The following AFF2 variants were observed in gnomAD, a reference collection of about 807,000 sequenced individuals.
The protein encoded by AFF2 is ALF transcription elongation factor 2, also known as AF4/FMR2 family member 2.
AFF2 carries 14 observed loss-of-function variants against 76.9 expected under a neutral mutation model. That is an observed-to-expected ratio of 0.18 (90% confidence interval 0.12 to 0.28). AFF2 has a LOEUF of 0.28. Ranked by LOEUF, AFF2 falls within the 10% of genes least tolerant of loss-of-function variation. The probability of loss-of-function intolerance (pLI) is 1.00; values close to 1 mark genes in which losing one functional copy is unlikely to be tolerated. For synonymous variants in AFF2, 398 were observed against 366.7 expected (o/e 1.09, Z -0.98); for missense variants, 868 against 1,001.1 (o/e 0.87, Z 1.79).
chrX:148,647,468 C>T (rs529668091), intron 1 of AFF2, among the ~76,000 whole-genome samples: 1 of 111,834 alleles, frequency 8.9e-6, no homozygotes, highest in African/African-American at 3.2e-5. Context: ...CTCGCCCAGC[C>T]TCTTCCCCAC....
chrX:148,511,923 T>G (rs1162004492), intron 1 of AFF2, among the ~76,000 whole-genome samples: 8 of 112,381 alleles, frequency 7.1e-5, no homozygotes, highest in Admixed American at 5.7e-4. Context: ...ATTTTCAAAT[T>G]GCAAAATTAA....
At chrX:148,614,851 T>G (rs782172118) in intron 1 of AFF2, among the ~76,000 whole-genome samples, 2 of 104,722 alleles carry the variant, frequency 1.9e-5, no homozygotes, top group East Asian at 6.0e-4. Flanking sequence ...CCTTTCTTCC[T>G]CCCTTTCCTT....
At chrX:148,606,486 C>A (rs1037766998) in intron 1 of AFF2, among the ~76,000 whole-genome samples, 4 of 62,801 alleles carry the variant, frequency 6.4e-5, no homozygotes, top group Non-Finnish European at 1.2e-4. Context: ...GTCTAAAATT[C>A]TTTCAAAATA....
In AFF2 at chrX:148,580,743, G is replaced by GTA. The variant is rs1202713611; in HGVS notation, c.48-71255_48-71254insAT. On this transcript the variant is annotated intron_variant, in intron 1 of 20. Coordinates refer to ENST00000370460, the MANE Select transcript of AFF2 (RefSeq NM_002025.4). Reference sequence around the variant, plus strand: ...TATATATATATATGTGTGTGTGTGTGTGTATATATATATGTGTGTGTATTT... The same window carrying GTA: ...TATATATATATATGTGTGTGTGTGTGTATGTATATATATATGTGTGTGTATTT... 5.0e-3 allele frequency among the ~76,000 whole-genome samples: 373 copies of GTA among 74,642 alleles called. 1 individual carries two copies. Among genetic ancestry groups the GTA allele is most frequent in the African/African-American group, 0.02 (346 of 17,638 alleles). 64.8% of individuals were successfully genotyped at this position (74,642 alleles called of 115,157 possible).
chrX:148,804,121 G>A (rs1222720788), intron 3 of AFF2, among the ~76,000 whole-genome samples: 2 of 111,900 alleles, frequency 1.8e-5, no homozygotes, highest in African/African-American at 6.5e-5. Context: ...TGCTGATGGA[G>A]ACTTAACATG....
intron 3 of AFF2, among the ~76,000 whole-genome samples, chrX:148,807,993 A>G (rs1557271481): frequency 1.8e-5 from 2 of 112,560 alleles, no homozygotes; most frequent in Non-Finnish European, 3.8e-5. Flanking sequence ...CAATCAAACA[A>G]CTAAAACTAA....
chrX:148,835,862 A>T (rs1219247885), intron 4 of AFF2, among the ~76,000 whole-genome samples: 4 of 110,865 alleles, frequency 3.6e-5, no homozygotes, highest in Non-Finnish European at 7.5e-5. Flanking sequence ...ACTATTAATA[A>T]CTATAGTCAC....
rs1462001258 is a variant in AFF2 at position 148,998,126 on chromosome X, G to A, written c.*6794G>A. 4 of 111,805 alleles carry A rather than the reference G, an allele frequency of 3.6e-5. No individual in the cohort carries two copies. Among genetic ancestry groups the A allele is most frequent in the African/African-American group, 1.3e-4 (4 of 30,700 alleles). 9.2% of individuals were successfully genotyped at this position (111,805 alleles called of 1,213,427 possible). ...TGCTCAGAAATCCTCTTTGGGATCA[G>A]AAGATACCTAAAATTCTCCCCTTTT... On this transcript the variant is annotated 3_prime_UTR_variant, in exon 21 of 21. Coordinates refer to ENST00000370460, the MANE Select transcript of AFF2 (RefSeq NM_002025.4).
chrX:148,573,709 T>C (rs1218404681), intron 1 of AFF2, among the ~76,000 whole-genome samples: 1 of 111,557 alleles, frequency 9.0e-6, no homozygotes, highest in Non-Finnish European at 1.9e-5. Flanking sequence ...GCAACTTTAG[T>C]GTTTTTTGCA....
At position 148,685,413 on chromosome X, in the gene AFF2, C is replaced by A. The variant is rs1286704745; in HGVS notation, c.1041+22645C>A. Among the ~76,000 whole-genome samples the A allele has an allele frequency of 1.1e-4, 12 of 112,603 alleles. No homozygotes were observed. In the Admixed American group the frequency reaches 1.1e-3, roughly 11 times the overall value. On this transcript the variant is annotated intron_variant, in intron 3 of 20. Coordinates refer to ENST00000370460, the MANE Select transcript of AFF2 (RefSeq NM_002025.4). ...TATTGGAGAATGCCACAGGAATATA[C>A]AGGGCTATTGAAAGCATCTGCTTAG...
intron 1 of AFF2, among the ~76,000 whole-genome samples, chrX:148,504,927 G>GCC (rs1557232320): frequency 1.0e-5 from 1 of 97,961 alleles, no homozygotes; most frequent in East Asian, 3.4e-4. Context: ...GAAGGTGTGG[G>GCC]AGATGGGGGG....
chrX:148,596,473 G>A (rs1361991311), intron 1 of AFF2, among the ~76,000 whole-genome samples: 1 of 111,796 alleles, frequency 8.9e-6, no homozygotes, highest in Non-Finnish European at 1.9e-5. Flanking sequence ...ATCCAGTAGA[G>A]CTAACCCAAA....
chrX:148,667,916 AT>A (rs2054376848), intron 3 of AFF2, among the ~76,000 whole-genome samples: 1 of 112,125 alleles, frequency 8.9e-6, no homozygotes, highest in African/African-American at 3.2e-5. Context: ...GTCTTAACTC[AT>A]TTCAGCATTA....
At chrX:148,640,384 C>T (rs191772596) in intron 1 of AFF2, among the ~76,000 whole-genome samples, 2 of 111,060 alleles carry the variant, frequency 1.8e-5, no homozygotes, top group Admixed American at 1.9e-4. Flanking sequence ...CTTCTACCTT[C>T]TCCCTCCCTC....
chrX:148,520,764 T>G (rs1177452005), intron 1 of AFF2, among the ~76,000 whole-genome samples: 1 of 112,312 alleles, frequency 8.9e-6, no homozygotes, highest in African/African-American at 3.2e-5. Context: ...GTTAATAATT[T>G]TAATCACTAT....
intron 1 of AFF2, among the ~76,000 whole-genome samples, chrX:148,604,427 C>G (rs1216082715): frequency 8.9e-6 from 1 of 112,003 alleles, no homozygotes; most frequent in African/African-American, 3.2e-5. Context: ...GGGTCTTGCT[C>G]TCTCACCCAG....
At chrX:148,570,944 T>A (rs782547885) in intron 1 of AFF2, among the ~76,000 whole-genome samples, 1 of 111,523 alleles carries the variant, frequency 9.0e-6, no homozygotes, top group African/African-American at 3.3e-5. Flanking sequence ...CTAGTCATAT[T>A]GGATTAGGGC....
intron 1 of AFF2, among the ~76,000 whole-genome samples, chrX:148,619,370 A>C (rs1346568485): frequency 8.9e-6 from 1 of 111,951 alleles, no homozygotes; most frequent in Non-Finnish European, 1.9e-5. Context: ...GACCAAATAC[A>C]TAGCTGAGCC....
intron 1 of AFF2, among the ~76,000 whole-genome samples, chrX:148,628,889 AT>A (rs782708112): frequency 1.8e-5 from 2 of 111,493 alleles, no homozygotes; most frequent in African/African-American, 6.5e-5. Flanking sequence ...TGACTCTAAC[AT>A]TTTTTTTATG....
Sources: allele counts gnomAD v4.1 joint callset (sites outside exome capture counted in the v4.1 genomes callset), GRCh38; gene constraint gnomAD v4.1.1; transcripts MANE v1.5; gene names NCBI Gene and HGNC (gene_info 2026-07-23, HGNC 2026-07-21).